RAP1A: variants seen among roughly 807,000 people sequenced by gnomAD.
RAP1A encodes RAP1A, member of RAS oncogene family.
RAP1A carries 6 observed loss-of-function variants against 26.4 expected under a neutral mutation model. That is an observed-to-expected ratio of 0.23 (90% CI 0.12 to 0.45). RAP1A has a LOEUF of 0.45. Ranked by LOEUF, RAP1A falls within the 20% of genes least tolerant of loss-of-function variation. The pLI is 0.99. For synonymous variants in RAP1A, 73 were observed against 79.4 expected (o/e 0.92, Z 0.43); for missense variants, 121 against 217.2 (o/e 0.56, Z 2.78).
At chr1:111,549,530 G>C (rs928404258) in intron 1 of RAP1A, among the ~76,000 whole-genome samples, 3 of 151,470 alleles carry the variant, frequency 2.0e-5, no homozygotes, top group Non-Finnish European at 2.9e-5. Flanking sequence ...TGCGCCTGTA[G>C]TCCCAGCTAC....
Position 111,706,365 on chromosome 1 carries a change from A to G in RAP1A, c.468+1879A>G, listed in dbSNP as rs1212047008. Reference sequence around the variant, plus strand: ...TGAGTTTTGAATGCCTGAAGTATAGAGAGATACTTTCAAAAATTCACCTCT... The same window carrying G: ...TGAGTTTTGAATGCCTGAAGTATAGGGAGATACTTTCAAAAATTCACCTCT... On this transcript the variant is annotated intron_variant, in intron 6 of 7. Transcript: ENST00000369709. 3.9e-5 allele frequency among the ~76,000 whole-genome samples: 6 copies of G among 152,134 alleles called. No homozygotes were observed. The East Asian group carries it at 1.2e-3, about 29-fold the overall frequency.
At chr1:111,592,626 T>C (rs1658490632) in intron 1 of RAP1A, among the ~76,000 whole-genome samples, 1 of 152,220 alleles carries the variant, frequency 6.6e-6, no homozygotes, top group Admixed American at 6.5e-5. Flanking sequence ...TTCTTTTGGA[T>C]TCCTGAACAC....
intron 1 of RAP1A, among the ~76,000 whole-genome samples, chr1:111,661,193 G>C (rs1317411830): frequency 6.6e-6 from 1 of 152,140 alleles, no homozygotes; most frequent in Non-Finnish European, 1.5e-5. Context: ...TAACATCTTT[G>C]GTCTTTATCT....
chr1:111,548,356 G>A (rs1333202314), intron 1 of RAP1A, among the ~76,000 whole-genome samples: 1 of 152,226 alleles, frequency 6.6e-6, no homozygotes, highest in African/African-American at 2.4e-5. Flanking sequence ...CCATTGCTTT[G>A]ATTGTGCCTT....
chr1:111,576,999 C>T (rs1050123292), intron 1 of RAP1A, among the ~76,000 whole-genome samples: 3 of 152,178 alleles, frequency 2.0e-5, no homozygotes, highest in African/African-American at 7.2e-5. Context: ...CTTTCCTTGT[C>T]CCCTGAGACC....
intron 1 of RAP1A, among the ~76,000 whole-genome samples, chr1:111,557,682 G>A (rs945509402): frequency 6.6e-6 from 1 of 152,072 alleles, no homozygotes; most frequent in Admixed American, 6.5e-5. Flanking sequence ...CAGAAAAAAG[G>A]TTTGAGATGC....
At chr1:111,612,857 TA>T (rs1402158113) in intron 1 of RAP1A, among the ~76,000 whole-genome samples, 2 of 152,194 alleles carry the variant, frequency 1.3e-5, no homozygotes, top group Non-Finnish European at 2.9e-5. Flanking sequence ...AACATAAAAA[TA>T]ACATTTTGTC....
chr1:111,635,319 G>C (rs1032161769), intron 1 of RAP1A, among the ~76,000 whole-genome samples: 1 of 152,144 alleles, frequency 6.6e-6, no homozygotes, highest in Non-Finnish European at 1.5e-5. Flanking sequence ...TTATATAAAT[G>C]GTATGCAAAA....
chr1:111,574,565 A>G (rs949587398), intron 1 of RAP1A, among the ~76,000 whole-genome samples: 1 of 152,186 alleles, frequency 6.6e-6, no homozygotes, highest in Non-Finnish European at 1.5e-5. Flanking sequence ...CATTTTAATG[A>G]TATTGATTCT....
intron 1 of RAP1A, among the ~76,000 whole-genome samples, chr1:111,546,057 G>A (rs918218005): frequency 2.0e-5 from 3 of 152,108 alleles, no homozygotes; most frequent in Non-Finnish European, 4.4e-5. Flanking sequence ...AGAATTGTGA[G>A]TCCTTCAATT....
At position 111,570,276 on chromosome 1, in the gene RAP1A, G is replaced by A. The variant is rs190971658; in HGVS notation, c.-28+27767G>A. 2.9e-3 allele frequency among the ~76,000 whole-genome samples: 443 copies of A among 152,292 alleles called. 2 individuals are homozygous for A. Among genetic ancestry groups the A allele is most frequent in the Non-Finnish European group, 5.2e-3 (355 of 68,020 alleles). On this transcript the variant is annotated intron_variant, in intron 1 of 7. Transcript: ENST00000356415. ...ATTGTCTGTGTGCCTGAGAATCATA[G>A]AGTGAAAATACACTAAAGTTGAAAG...
chr1:111,580,284 T>C (rs1441381140), intron 1 of RAP1A, among the ~76,000 whole-genome samples: 1 of 152,200 alleles, frequency 6.6e-6, no homozygotes. Flanking sequence ...AATATTTGCA[T>C]CGCCAGGATC....
intron 1 of RAP1A, among the ~76,000 whole-genome samples, chr1:111,689,678 C>CT (rs916106996): frequency 1.3e-3 from 199 of 151,030 alleles, no homozygotes; most frequent in Middle Eastern, 0.01. Context: ...TTTCAGGTCC[C>CT]TTTTTTTTTG....
chr1:111,548,107 A>T (rs1028460549), intron 1 of RAP1A, among the ~76,000 whole-genome samples: 13 of 152,048 alleles, frequency 8.5e-5, no homozygotes, highest in Non-Finnish European at 1.9e-4. Flanking sequence ...TGCAACCTCC[A>T]CCTCCTGGGT....
At chr1:111,545,930 A>G (rs893817643) in intron 1 of RAP1A, among the ~76,000 whole-genome samples, 6 of 152,164 alleles carry the variant, frequency 3.9e-5, no homozygotes, top group Non-Finnish European at 8.8e-5. Context: ...AATTGTCCAC[A>G]GGTGGATGGA....
At position 111,712,724 on chromosome 1, in the gene RAP1A, C is replaced by G. The variant is rs917985836; in HGVS notation, c.*323C>G. On this transcript the variant is annotated 3_prime_UTR_variant, in exon 8 of 8. Transcript: ENST00000369709. ...GCATTTCAAATGTTAGATATTGCTACTATAATCAAATGATTTCATATTGAT... is the reference window on the plus strand; with the variant it reads ...GCATTTCAAATGTTAGATATTGCTAGTATAATCAAATGATTTCATATTGAT... 1.3e-5 allele frequency: 2 copies of G among 152,510 alleles called. No individual in the cohort carries two copies. Among genetic ancestry groups the G allele is most frequent in the Non-Finnish European group, 2.9e-5 (2 of 67,930 alleles). The allele number at this position is 152,510 out of a possible 1,614,324, so 9.4% of individuals were successfully genotyped here.
intron 1 of RAP1A, among the ~76,000 whole-genome samples, chr1:111,598,040 T>C (rs7537992): frequency 0.4 from 60,876 of 152,026 alleles, 12,618 homozygotes; most frequent in Middle Eastern, 0.5. Flanking sequence ...TTCATTTAAT[T>C]CTCACAACTA....
Position 111,635,156 on chromosome 1 carries a change from C to G in RAP1A, c.-28+15222C>G, listed in dbSNP as rs192967776. ...TAAAACAGATGCAAAATTAAGTTGCCATTTTCTGGGCATGGGGATGGGAGA... is the reference window on the plus strand; with the variant it reads ...TAAAACAGATGCAAAATTAAGTTGCGATTTTCTGGGCATGGGGATGGGAGA... On this transcript the variant is annotated intron_variant, in intron 1 of 7. Coordinates refer to ENST00000369709, the MANE Select transcript of RAP1A (RefSeq NM_002884.4). 3.3e-5 allele frequency among the ~76,000 whole-genome samples: 5 copies of G among 152,242 alleles called. No individual in the cohort carries two copies. In the East Asian group the frequency reaches 9.6e-4, roughly 29 times the overall value.
At chr1:111,542,409 A>G (rs1656868022) in exon 1 of RAP1A, 1 of 232,804 alleles carries the variant, frequency 4.3e-6, no homozygotes, top group African/African-American at 2.3e-5. Flanking sequence ...GAGGACCTCC[A>G]TTTATTTGGT....
Sources: gnomAD v4.1 joint callset for allele counts (sites outside exome capture counted in the v4.1 genomes callset) on GRCh38, gnomAD v4.1.1 for gene constraint, MANE v1.5 for transcripts, NCBI Gene and HGNC (gene_info 2026-07-23, HGNC 2026-07-21) for gene names.